ABTB3: variants seen among roughly 807,000 people sequenced by gnomAD.
ABTB3 encodes ankyrin repeat- and BTB/POZ domain-containing protein 3.
At chr12:107,600,724 T>C in the ABTB3 span, among the ~76,000 whole-genome samples, 2 of 152,190 alleles carry the variant, frequency 1.3e-5, no homozygotes, top group African/African-American at 4.8e-5. Context: ...AGAGGAGCCT[T>C]GGAATTTGCT....
the ABTB3 span, among the ~76,000 whole-genome samples, chr12:107,342,234 A>G: frequency 1.3e-5 from 2 of 150,258 alleles, no homozygotes; most frequent in South Asian, 4.2e-4. Context: ...TGGATGCCAG[A>G]TTCATATTCC....
chr12:107,617,426 C>T, the ABTB3 span: 2 of 1,614,062 alleles, frequency 1.2e-6, no homozygotes, highest in East Asian at 2.2e-5. Context: ...GGCTGCAGCC[C>T]ACGGACACAG....
the ABTB3 span, among the ~76,000 whole-genome samples, chr12:107,466,921 G>C: frequency 6.6e-6 from 1 of 152,084 alleles, no homozygotes; most frequent in African/African-American, 2.4e-5. Context: ...GGGCATTCAA[G>C]GCACAGCATG....
chr12:107,358,298 T>C, the ABTB3 span, among the ~76,000 whole-genome samples: 1 of 152,102 alleles, frequency 6.6e-6, no homozygotes, highest in Non-Finnish European at 1.5e-5. Flanking sequence ...AAGTGGCATG[T>C]TAGTAGACCT....
the ABTB3 span, among the ~76,000 whole-genome samples, chr12:107,636,666 T>A: frequency 6.6e-6 from 1 of 152,218 alleles, no homozygotes; most frequent in South Asian, 2.1e-4. Context: ...TGACCATGTG[T>A]AGAGGAAAAC....
At chr12:107,564,088 CTCTG>C in the ABTB3 span, among the ~76,000 whole-genome samples, 1,482 of 138,030 alleles carry the variant, frequency 0.011, 15 homozygotes, top group African/African-American at 0.018. Flanking sequence ...CTATCTATCT[CTCTG>C]TGTGTGTGTG....
At chr12:107,522,083 T>C in the ABTB3 span, among the ~76,000 whole-genome samples, 1 of 152,010 alleles carries the variant, frequency 6.6e-6, no homozygotes, top group Non-Finnish European at 1.5e-5. Context: ...GATGGGTACC[T>C]TCTCCCTGTG....
the ABTB3 span, among the ~76,000 whole-genome samples, chr12:107,586,655 T>C: frequency 6.6e-6 from 1 of 152,146 alleles, no homozygotes; most frequent in Non-Finnish European, 1.5e-5. Context: ...CCTGGGGAGT[T>C]GCTTTGGGGC....
chr12:107,463,226 GTGA>G, the ABTB3 span, among the ~76,000 whole-genome samples: 14 of 151,684 alleles, frequency 9.2e-5, no homozygotes, highest in Admixed American at 2.6e-4. Context: ...GGTGGTGGTA[GTGA>G]TGATGGTGGT....
the ABTB3 span, among the ~76,000 whole-genome samples, chr12:107,608,893 T>TAAATAAAATA: frequency 0.14 from 11,624 of 83,114 alleles, 933 homozygotes; most frequent in Non-Finnish European, 0.17. Context: ...TAAAATAAAA[T>TAAATAAAATA]AAATAAAATA....
At chr12:107,384,374 C>T in the ABTB3 span, among the ~76,000 whole-genome samples, 1 of 152,136 alleles carries the variant, frequency 6.6e-6, no homozygotes, top group East Asian at 1.9e-4. Flanking sequence ...AAGAAGCCTC[C>T]TCAAATATCA....
At chr12:107,528,485 G>A in the ABTB3 span, among the ~76,000 whole-genome samples, 1 of 152,136 alleles carries the variant, frequency 6.6e-6, no homozygotes, top group African/African-American at 2.4e-5. Flanking sequence ...GCTGATATTT[G>A]GGAAACATAG....
the ABTB3 span, among the ~76,000 whole-genome samples, chr12:107,558,449 A>G: frequency 1.3e-3 from 192 of 152,170 alleles, 4 homozygotes; most frequent in Non-Finnish European, 1.2e-4. Flanking sequence ...GTAGTTAAAT[A>G]TTTAGAATAT....
chr12:107,525,239 A>G, the ABTB3 span, among the ~76,000 whole-genome samples: 1 of 143,652 alleles, frequency 7.0e-6, no homozygotes, highest in Non-Finnish European at 1.5e-5. Context: ...AAGTGGGAGG[A>G]TCGCTTGAGC....
chr12:107,533,975 T>C, the ABTB3 span, among the ~76,000 whole-genome samples: 131 of 152,290 alleles, frequency 8.6e-4, 1 homozygote, highest in African/African-American at 2.9e-3. Context: ...CGAGGAACTT[T>C]GGAAATACAT....
chr12:107,442,638 T>C, the ABTB3 span, among the ~76,000 whole-genome samples: 1 of 152,112 alleles, frequency 6.6e-6, no homozygotes, highest in Admixed American at 6.5e-5. Context: ...CCAGGATTAG[T>C]GGTAAGGGAC....
the ABTB3 span, among the ~76,000 whole-genome samples, chr12:107,655,144 C>G: frequency 2.6e-5 from 4 of 152,122 alleles, no homozygotes; most frequent in Non-Finnish European, 5.9e-5. Flanking sequence ...AGTTCGTTGT[C>G]AGGCAGCTTC....
At chr12:107,499,787 G>A in the ABTB3 span, among the ~76,000 whole-genome samples, 4 of 151,748 alleles carry the variant, frequency 2.6e-5, no homozygotes, top group Non-Finnish European at 4.4e-5. Context: ...CCAGGTTCAA[G>A]CGATTCTCCT....
the ABTB3 span, among the ~76,000 whole-genome samples, chr12:107,414,104 T>G: frequency 6.6e-6 from 1 of 152,162 alleles, no homozygotes; most frequent in Non-Finnish European, 1.5e-5. Flanking sequence ...ATTTAGAGAC[T>G]CGTCTAATTT....
Sources: gnomAD v4.1 joint callset for allele counts (sites outside exome capture counted in the v4.1 genomes callset) on GRCh38, gnomAD v4.1.1 for gene constraint, MANE v1.5 for transcripts, NCBI Gene and HGNC (gene_info 2026-07-23, HGNC 2026-07-21) for gene names.